The following IFRD1 variants were observed in gnomAD, a reference collection of about 807,000 sequenced individuals.
IFRD1 encodes interferon-related developmental regulator 1.
IFRD1 carries 35 observed loss-of-function variants against 52.9 expected under a neutral mutation model. The observed-to-expected ratio is 0.66, with a 90% confidence interval of 0.51 to 0.88. IFRD1 has a LOEUF of 0.88. IFRD1 is among the 40% of genes least tolerant of loss of function. The probability of loss-of-function intolerance (pLI) is 0.00; values close to 1 mark genes in which losing one functional copy is unlikely to be tolerated. For missense variants in IFRD1, 517 were observed against 550.8 expected (o/e 0.94, Z 0.61); for synonymous variants, 184 against 188.4 (o/e 0.98, Z 0.19).
intron 1 of IFRD1, among the ~76,000 whole-genome samples, chr7:112,442,475 T>C (rs1794915019): frequency 2.0e-5 from 3 of 152,208 alleles, no homozygotes; most frequent in Admixed American, 6.5e-5. Context: ...CTCCCATTTT[T>C]GAGATAAAGA....
At position 112,456,023 on chromosome 7, in the gene IFRD1, A is replaced by G; in HGVS notation, c.221A>G (p.Glu74Gly). ...TTAGGACCAGAAGTCCTTGATGAGG[A>G]AGGAACTCAAGAAGACCTAGAGTAC... The part of the protein sequence containing the change: ...AEDGPEVLDE[E>G]GTQEDLEYKL... Residue 74 changes from glutamate to glycine, a missense_variant, in exon 3 of 12, where the codon GAA (glutamate) becomes GGA (glycine). By Grantham distance (98) the Glu-to-Gly change is moderately conservative. Coordinates refer to ENST00000403825, the MANE Select transcript of IFRD1 (RefSeq NM_001550.4). 1 of 1,606,902 alleles carries G rather than the reference A, an allele frequency of 6.2e-7. No homozygotes were observed. The highest frequency in any genetic ancestry group is 8.5e-7 in the Non-Finnish European group (1 of 1,173,540).
At chr7:112,473,029 C>T (rs1370224677) in intron 11 of IFRD1, among the ~76,000 whole-genome samples, 168 bp downstream of exon 11, 2 of 115,152 alleles carry the variant, frequency 1.7e-5, no homozygotes, top group African/African-American at 6.3e-5. Context: ...GTGTGGGGGG[C>T]GTGTGTGTGT....
Position 112,456,902 on chromosome 7 carries a change from G to T in IFRD1, c.285-12G>T. The T allele has an allele frequency of 6.2e-7, 1 of 1,612,214 alleles. No homozygotes were observed. The highest frequency in any genetic ancestry group is 8.5e-7 in the Non-Finnish European group (1 of 1,178,444). ...ACTGGATCTTCTTTCTCTTACATTG[G>T]GTGTTAAATAGTGCGAAGACAAGGC... On this transcript the variant is annotated splice_polypyrimidine_tract_variant and intron_variant, in intron 3 of 11. Transcript: ENST00000403825.
chr7:112,440,185 A>G (rs1185855477), intron 1 of IFRD1, among the ~76,000 whole-genome samples: 3 of 152,230 alleles, frequency 2.0e-5, no homozygotes, highest in East Asian at 1.9e-4. Context: ...GGGTTTCCCA[A>G]TGTTGGCTAG....
chr7:112,464,362 GTAATTATTACTCCTTTATGAGAGT>G (rs138559466), intron 8 of IFRD1, among the ~76,000 whole-genome samples: 7,871 of 152,118 alleles, frequency 0.052, 257 homozygotes, highest in South Asian at 0.099. Flanking sequence ...GTTGAAATTA[GTAATTATTACTCCTTTATGAGAGT>G]TCTAGGTTAA....
rs947545187 is a variant in IFRD1 at position 112,464,025 on chromosome 7, G to A, written c.906+1647G>A. Among the ~76,000 whole-genome samples the A allele has an allele frequency of 8.2e-5, 11 of 134,556 alleles. No homozygotes were observed. In the Middle Eastern group the frequency reaches 0.012, roughly 150 times the overall value. 88.3% of individuals were successfully genotyped at this position (134,556 alleles called of 152,430 possible). ...ACTGGGTTACAAAACAGAACCTAGT[G>A]TTTTTATTTGCTTTTTTTTTTTTTT... On this transcript the variant is annotated intron_variant, in intron 8 of 11. Coordinates refer to ENST00000403825, the MANE Select transcript of IFRD1 (RefSeq NM_001550.4).
Position 112,450,585 on chromosome 7 carries a change from C to A in IFRD1, c.-104C>A. On this transcript the variant is annotated 5_prime_UTR_variant, in exon 1 of 12. Transcript: ENST00000403825. ...TCTCGACTCTGTTGTTAGCCGAAGA[C>A]TCGCCTCTCAGCCGCCCGCCGCACA... 1 of 876,380 alleles carries A rather than the reference C, an allele frequency of 1.1e-6. No homozygotes were observed. Among genetic ancestry groups the A allele is most frequent in the Non-Finnish European group, 1.9e-6 (1 of 525,222 alleles). 54.3% of individuals were successfully genotyped at this position (876,380 alleles called of 1,614,324 possible). A position where few individuals can be genotyped will look rare whatever the true frequency, so the allele number is the denominator to read the frequency against.
chr7:112,435,870 T>C (rs368737954), intron 1 of IFRD1, among the ~76,000 whole-genome samples: 37 of 150,962 alleles, frequency 2.5e-4, no homozygotes, highest in African/African-American at 8.4e-4. Context: ...TTTTTCTTTT[T>C]TCTCTCTTTT....
chr7:112,427,685 G>A (rs1394617667), intron 1 of IFRD1, among the ~76,000 whole-genome samples: 3 of 152,108 alleles, frequency 2.0e-5, no homozygotes, highest in Non-Finnish European at 4.4e-5. Flanking sequence ...CTACTCACAA[G>A]CTTAGACATA....
At chr7:112,444,605 C>G (rs1034612427) in intron 1 of IFRD1, among the ~76,000 whole-genome samples, 2 of 152,098 alleles carry the variant, frequency 1.3e-5, no homozygotes, top group Admixed American at 6.5e-5. Context: ...TCAGAAAAAA[C>G]TTACACTGGC....
Position 112,474,762 on chromosome 7 carries a change from G to T in IFRD1, c.1267-668G>T, listed in dbSNP as rs1207643902. ...TGTTTATTTAATTGATATTAAAATG[G>T]CACTTCATCACTTTTTTCCTTGTTC... On this transcript the variant is annotated intron_variant, in intron 11 of 11. Coordinates refer to ENST00000403825, the MANE Select transcript of IFRD1 (RefSeq NM_001550.4). 2.6e-5 allele frequency among the ~76,000 whole-genome samples: 4 copies of T among 152,034 alleles called. No homozygotes were observed. The South Asian group carries it at 6.2e-4, about 24-fold the overall frequency.
chr7:112,450,413 T>G, upstream of IFRD1: 1 of 494,566 alleles, frequency 2.0e-6, no homozygotes, highest in Non-Finnish European at 3.7e-6. Flanking sequence ...CAGAGTGACG[T>G]CAGGTGGCGG....
chr7:112,469,963 C>G (rs1231129113), intron 9 of IFRD1, among the ~76,000 whole-genome samples: 4 of 145,476 alleles, frequency 2.7e-5, no homozygotes, highest in African/African-American at 1.0e-4. Context: ...TTTTTTTTCA[C>G]TGGAACCTAG....
chr7:112,467,369 C>T (rs1296453759), intron 8 of IFRD1: 1 of 152,488 alleles, frequency 6.6e-6, no homozygotes, highest in African/African-American at 2.4e-5. Context: ...AAAGAGACTT[C>T]TTAAATGCAT....
chr7:112,424,964 A>G (rs1305546477), intron 1 of IFRD1, among the ~76,000 whole-genome samples: 2 of 152,144 alleles, frequency 1.3e-5, no homozygotes, highest in Non-Finnish European at 2.9e-5. Context: ...TGATGAAAAG[A>G]ATATGTATTC....
intron 8 of IFRD1, among the ~76,000 whole-genome samples, chr7:112,465,951 G>C (rs1333148149): frequency 6.6e-6 from 1 of 151,646 alleles, no homozygotes; most frequent in African/African-American, 2.4e-5. Context: ...TGAAAGGTTG[G>C]GTATTTTCTT....
intron 1 of IFRD1, chr7:112,435,655 T>TGTGTGTGTGTGTGTGC (rs775779479): frequency 4.7e-5 from 7 of 149,142 alleles, no homozygotes; most frequent in Non-Finnish European, 5.9e-5. Flanking sequence ...TGTGTGTGTG[T>TGTGTGTGTGTGTGTGC]GCGTGCTTGT....
chr7:112,443,151 G>A (rs1383984053), intron 1 of IFRD1, among the ~76,000 whole-genome samples: 3 of 152,184 alleles, frequency 2.0e-5, no homozygotes, highest in South Asian at 2.1e-4. Flanking sequence ...TAGAGCCTTG[G>A]ATCTTAATCA....
chr7:112,434,220 G>A (rs1222415542), intron 1 of IFRD1, among the ~76,000 whole-genome samples: 3 of 152,248 alleles, frequency 2.0e-5, no homozygotes, highest in East Asian at 3.9e-4. Context: ...CATTTTCATT[G>A]AGGTCCCCGT....
Sources: allele counts gnomAD v4.1 joint callset (sites outside exome capture counted in the v4.1 genomes callset), GRCh38; gene constraint gnomAD v4.1.1; transcripts MANE v1.5; gene names NCBI Gene and HGNC (gene_info 2026-07-23, HGNC 2026-07-21).